The following ARHGAP40 variants were observed in gnomAD, a reference collection of about 807,000 sequenced individuals.
ARHGAP40 encodes the protein Rho GTPase activating protein 40, also known as rho GTPase-activating protein 40.
A neutral mutation model predicts 73.5 loss-of-function variants in ARHGAP40; 43 were observed. The observed-to-expected ratio is 0.58, with a 90% CI of 0.46 to 0.75. The LOEUF (loss-of-function observed/expected upper bound fraction) is 0.75. ARHGAP40 is among the 30% of genes least tolerant of loss of function. ARHGAP40 has a pLI of 0.00. For missense variants in ARHGAP40, 734 were observed against 861.8 expected, an observed-to-expected ratio of 0.85 and a Z score of 1.86; for synonymous variants, 300 against 352.8, an observed-to-expected ratio of 0.85 and a Z score of 1.68.
intron 1 of ARHGAP40, among the ~76,000 whole-genome samples, chr20:38,606,799 C>A (rs1859061507): frequency 6.6e-6 from 1 of 152,192 alleles, no homozygotes; most frequent in African/African-American, 2.4e-5. Context: ...CCACTGGGGT[C>A]AATGTCAACT....
intron 1 of ARHGAP40, among the ~76,000 whole-genome samples, chr20:38,616,260 G>A (rs190857174): frequency 1.3e-5 from 2 of 152,342 alleles, no homozygotes; most frequent in East Asian, 3.9e-4. Context: ...GCTTGGCACT[G>A]CCCAACAGCG....
At chr20:38,649,342 T>C (rs982601402) in intron 14 of ARHGAP40, among the ~76,000 whole-genome samples, 1 of 152,180 alleles carries the variant, frequency 6.6e-6, no homozygotes, top group Non-Finnish European at 1.5e-5. Flanking sequence ...ACACGATGCA[T>C]TGAGGGGGTG....
intron 1 of ARHGAP40, among the ~76,000 whole-genome samples, chr20:38,618,373 C>G (rs2088855482): frequency 6.6e-6 from 1 of 152,208 alleles, no homozygotes; most frequent in African/African-American, 2.4e-5. Flanking sequence ...TCCCAAAGTG[C>G]TGGGATTACA....
chr20:38,624,087 G>C (rs576881072), intron 2 of ARHGAP40, among the ~76,000 whole-genome samples: 1 of 152,300 alleles, frequency 6.6e-6, no homozygotes, highest in East Asian at 1.9e-4. Flanking sequence ...TGTTGGAGGG[G>C]TTGAGTGGGC....
chr20:38,626,867 T>A (rs1471360084), intron 2 of ARHGAP40, 128 bp from the exon 3 acceptor site: 1 of 631,446 alleles, frequency 1.6e-6, no homozygotes, highest in African/African-American at 1.9e-5. Context: ...TGTTAATAGG[T>A]CTCACGATCA....
At position 38,634,974 on chromosome 20, in the gene ARHGAP40, C is replaced by T. The variant is rs555966022; in HGVS notation, c.949+189C>T. ...TCGGCTCACTGCAACCTCCGCCTCCCGGGTTCAAGCAATTCTTTTGCCTCA... is the reference window on the plus strand; with the variant it reads ...TCGGCTCACTGCAACCTCCGCCTCCTGGGTTCAAGCAATTCTTTTGCCTCA... On this transcript the variant is annotated intron_variant, in intron 6 of 14. Transcript: ENST00000373345. Among the ~76,000 whole-genome samples the T allele has an allele frequency of 1.6e-4, 24 of 152,154 alleles. No homozygotes were observed. The East Asian group carries it at 2.9e-3, about 18-fold the overall frequency.
At chr20:38,633,080 G>A (rs1035270223) in intron 5 of ARHGAP40, among the ~76,000 whole-genome samples, 10 of 151,524 alleles carry the variant, frequency 6.6e-5, no homozygotes, top group Admixed American at 2.6e-4. Context: ...CAGAGATCAC[G>A]CCACTGCACT....
At chr20:38,623,749 C>G (rs764533923) in intron 2 of ARHGAP40, among the ~76,000 whole-genome samples, 191 bp downstream of exon 2, 8 of 152,210 alleles carry the variant, frequency 5.3e-5, no homozygotes, top group Admixed American at 2.6e-4. Context: ...ATGCCATAGT[C>G]AAGACGATCT....
At chr20:38,640,189 T>TTTTCTTC (rs141290557) in intron 9 of ARHGAP40, among the ~76,000 whole-genome samples, 3 of 143,496 alleles carry the variant, frequency 2.1e-5, no homozygotes, top group African/African-American at 2.7e-5. Flanking sequence ...TCTTTTCTTC[T>TTTTCTTC]TTTCTTCTTT....
At chr20:38,626,971 T>C in intron 2 of ARHGAP40, 24 bp from the exon 3 acceptor site, 1 of 1,301,424 alleles carries the variant, frequency 7.7e-7, no homozygotes, top group Non-Finnish European at 1.0e-6. Context: ...TGTGTGTTCA[T>C]CTGGGTTCTA....
At chr20:38,631,949 A>G (rs189778018) in intron 5 of ARHGAP40, among the ~76,000 whole-genome samples, 33 of 152,130 alleles carry the variant, frequency 2.2e-4, no homozygotes, top group Admixed American at 4.6e-4. Context: ...TAACATTTAT[A>G]TTTATTTATT....
At position 38,646,924 on chromosome 20, in the gene ARHGAP40, T is replaced by C. The variant is rs928983292; in HGVS notation, c.1711-33T>C. 8.5e-6 allele frequency: 11 copies of C among 1,289,450 alleles called. No individual in the cohort carries two copies. The highest frequency in any genetic ancestry group is 7.5e-5 in the South Asian group (6 of 79,820). 79.9% of individuals were successfully genotyped at this position (1,289,450 alleles called of 1,614,324 possible). A position where few individuals can be genotyped will look rare whatever the true frequency, so the allele number is the denominator to read the frequency against. On this transcript the variant is annotated intron_variant, in intron 12 of 14. Transcript: ENST00000373345. This position sits in a 1 kb window ranked among gnomAD's most constrained non-coding sequence, Gnocchi z 4.5. ...GGAACTCCAGGCAAGCTGACTCTTATGTATATGGATCTTTCTCTCTCTCTC... is the reference window on the plus strand; with the variant it reads ...GGAACTCCAGGCAAGCTGACTCTTACGTATATGGATCTTTCTCTCTCTCTC...
chr20:38,617,672 C>T lies in ARHGAP40; in HGVS notation c.138-5687C>T, dbSNP rs139259480. ...AGGGCTCCGGCCCTCTGACTCACTGCAGGAATATATTTCTTCATGCTCTGT... is the reference window on the plus strand; with the variant it reads ...AGGGCTCCGGCCCTCTGACTCACTGTAGGAATATATTTCTTCATGCTCTGT... On this transcript the variant is annotated intron_variant, in intron 1 of 14. Transcript: ENST00000373345. Among the ~76,000 whole-genome samples, 740 of 151,720 alleles carry T rather than the reference C, an allele frequency of 4.9e-3. 6 individuals carry two copies. The highest frequency in any genetic ancestry group is 0.017 in the African/African-American group (711 of 40,982).
intron 1 of ARHGAP40, among the ~76,000 whole-genome samples, chr20:38,613,228 C>T (rs942631897): frequency 7.2e-5 from 11 of 152,014 alleles, no homozygotes; most frequent in African/African-American, 2.7e-4. Flanking sequence ...ATTGGTAGAT[C>T]CTGATCTTCT....
At chr20:38,609,154 G>T (rs566465388) in intron 1 of ARHGAP40, among the ~76,000 whole-genome samples, 80 of 152,196 alleles carry the variant, frequency 5.3e-4, no homozygotes, top group African/African-American at 1.7e-3. Context: ...AGTGGGTAGT[G>T]GGGGGGTTAT....
chr20:38,608,900 T>C (rs2088788721), intron 1 of ARHGAP40, among the ~76,000 whole-genome samples: 1 of 152,172 alleles, frequency 6.6e-6, no homozygotes, highest in African/African-American at 2.4e-5. Context: ...TTCCTTAAGT[T>C]GCGGTCCACC....
intron 1 of ARHGAP40, among the ~76,000 whole-genome samples, chr20:38,604,392 G>A (rs945859217): frequency 2.0e-5 from 3 of 149,594 alleles, no homozygotes; most frequent in African/African-American, 7.5e-5. Flanking sequence ...TTCCAGAACA[G>A]TGGTGTTTTT....
At chr20:38,633,591 C>T (rs1337536361) in intron 5 of ARHGAP40, among the ~76,000 whole-genome samples, 3 of 152,116 alleles carry the variant, frequency 2.0e-5, no homozygotes, top group Non-Finnish European at 4.4e-5. Flanking sequence ...GGATTTGAAC[C>T]CCGGGGGATG....
exon 11 of ARHGAP40, chr20:38,643,869 G>T (rs780805185): frequency 1.5e-6 from 2 of 1,305,228 alleles, no homozygotes; most frequent in Non-Finnish European, 2.0e-6. Flanking sequence ...GGCAGCCGAG[G>T]TGGTGCAGAT....
Sources: gnomAD v4.1 joint callset for allele counts (sites outside exome capture counted in the v4.1 genomes callset) on GRCh38, gnomAD v4.1.1 for gene constraint, Gnocchi (gnomAD v3.1) non-coding constraint, MANE v1.5 for transcripts, NCBI Gene and HGNC (gene_info 2026-07-23, HGNC 2026-07-21) for gene names.